CTNNA2: variants seen among roughly 807,000 people sequenced by gnomAD.
CTNNA2 encodes catenin alpha-2.
A neutral mutation model predicts 101.0 loss-of-function variants in CTNNA2; 42 were observed. The observed-to-expected ratio is 0.42, with a 90% CI of 0.32 to 0.54. CTNNA2 has a LOEUF of 0.54. Among genes scored for constraint, CTNNA2 ranks in the 20% least tolerant of loss-of-function variants. The pLI, the probability that CTNNA2 is intolerant of heterozygous loss-of-function variation, is 0.14. For missense variants in CTNNA2, 871 were observed against 1,223.1 expected (o/e 0.71, Z 4.29); for synonymous variants, 450 against 456.4 (o/e 0.99, Z 0.18).
chr2:80,249,214 T>C (rs1671566610), intron 7 of CTNNA2, among the ~76,000 whole-genome samples: 1 of 152,242 alleles, frequency 6.6e-6, no homozygotes, highest in Admixed American at 6.5e-5. Flanking sequence ...TTTTCTCCTT[T>C]TATTTATCCT....
At chr2:80,379,070 GA>G (rs914625906) in intron 7 of CTNNA2, among the ~76,000 whole-genome samples, 1 of 152,078 alleles carries the variant, frequency 6.6e-6, no homozygotes, top group African/African-American at 2.4e-5. Flanking sequence ...CAAGGGAACG[GA>G]AAGGTTGGGA....
At chr2:80,168,285 T>C (rs1484191946) in intron 7 of CTNNA2, among the ~76,000 whole-genome samples, 1 of 152,108 alleles carries the variant, frequency 6.6e-6, no homozygotes, top group Non-Finnish European at 1.5e-5. Flanking sequence ...AGAAGTAAGA[T>C]TTTATCAAAA....
At chr2:80,160,971 T>C (rs1356268257) in intron 7 of CTNNA2, among the ~76,000 whole-genome samples, 5 of 152,178 alleles carry the variant, frequency 3.3e-5, no homozygotes, top group African/African-American at 1.2e-4. Flanking sequence ...AGTTTATTTT[T>C]TAATCATGAG....
At chr2:79,786,472 ATGAAT>A (rs1301164050) in intron 3 of CTNNA2, among the ~76,000 whole-genome samples, 1 of 151,090 alleles carries the variant, frequency 6.6e-6, no homozygotes, top group Admixed American at 6.6e-5. Context: ...TCAAGAATAA[ATGAAT>A]TAAGTAAAGA....
intron 6 of CTNNA2, among the ~76,000 whole-genome samples, chr2:79,876,122 A>G (rs1574200605): frequency 1.3e-5 from 2 of 152,292 alleles, no homozygotes; most frequent in African/African-American, 2.4e-5. Flanking sequence ...TAGGAGAACT[A>G]TTGATCCTAT....
chr2:80,301,187 C>T (rs1488095875), intron 7 of CTNNA2, among the ~76,000 whole-genome samples: 2 of 152,198 alleles, frequency 1.3e-5, no homozygotes, highest in African/African-American at 2.4e-5. Flanking sequence ...TCTCCTCATT[C>T]CCCATAGAAA....
intron 7 of CTNNA2, among the ~76,000 whole-genome samples, chr2:80,181,397 AG>A (rs1429124851): frequency 6.6e-6 from 1 of 152,194 alleles, no homozygotes; most frequent in Non-Finnish European, 1.5e-5. Flanking sequence ...CAGCCTCATC[AG>A]GGTCCTCCCA....
intron 7 of CTNNA2, among the ~76,000 whole-genome samples, chr2:80,307,375 C>T (rs60757627): frequency 0.029 from 4,446 of 152,010 alleles, 210 homozygotes; most frequent in African/African-American, 0.1. Flanking sequence ...AAAGTTGAAT[C>T]GAGAAACGAC....
intron 18 of CTNNA2, among the ~76,000 whole-genome samples, chr2:80,636,978 A>AGGGGAATAGGAAAAT (rs1672955071): frequency 6.6e-6 from 1 of 152,152 alleles, no homozygotes; most frequent in Non-Finnish European, 1.5e-5. Context: ...TCCCCTCATG[A>AGGGGAATAGGAAAAT]ACTTCTCCAT....
intron 3 of CTNNA2, among the ~76,000 whole-genome samples, chr2:79,320,847 C>T (rs1334053868): frequency 3.9e-5 from 6 of 152,140 alleles, no homozygotes; most frequent in African/African-American, 9.7e-5. Flanking sequence ...CAATTTTGTT[C>T]TCTGGGAATA....
At chr2:79,625,416 A>G (rs1679242768) in intron 1 of CTNNA2, among the ~76,000 whole-genome samples, 1 of 152,196 alleles carries the variant, frequency 6.6e-6, no homozygotes, top group Admixed American at 6.5e-5. Context: ...GGGCTGGGAA[A>G]TCAATATTCT....
intron 9 of CTNNA2, among the ~76,000 whole-genome samples, chr2:80,509,675 C>T (rs1478056430): frequency 6.6e-6 from 1 of 152,148 alleles, no homozygotes; most frequent in Non-Finnish European, 1.5e-5. Context: ...CCTTCTATCA[C>T]CCAGGGAAGA....
In CTNNA2 at chr2:79,543,880, G is replaced by T. The variant is rs530907984; in HGVS notation, c.-6+30673G>T. ...TTTCTCGTTATAAAATATTAAAGTAGAAAAGGACAACAAGTATTCTTGGAC... is the reference window on the plus strand; with the variant it reads ...TTTCTCGTTATAAAATATTAAAGTATAAAAGGACAACAAGTATTCTTGGAC... On this transcript the variant is annotated intron_variant, in intron 1 of 18. Coordinates refer to ENST00000402739, the MANE Select transcript of CTNNA2 (RefSeq NM_001282597.3). Among the ~76,000 whole-genome samples, 14 of 152,262 alleles carry T rather than the reference G, an allele frequency of 9.2e-5. 1 individual carries two copies. The South Asian group carries it at 2.9e-3, about 32-fold the overall frequency.
intron 7 of CTNNA2, among the ~76,000 whole-genome samples, chr2:80,060,943 G>A (rs2104377664): frequency 6.6e-6 from 1 of 152,234 alleles, no homozygotes; most frequent in East Asian, 1.9e-4. Context: ...GGGTACAGAG[G>A]CTTGCACAGC....
chr2:80,559,083 A>C (rs962027692), intron 12 of CTNNA2, among the ~76,000 whole-genome samples: 2 of 152,152 alleles, frequency 1.3e-5, no homozygotes, highest in Non-Finnish European at 2.9e-5. Flanking sequence ...AGATGTCTCT[A>C]GACATTGCCA....
intron 15 of CTNNA2, among the ~76,000 whole-genome samples, chr2:80,596,569 C>T (rs1356852342): frequency 2.6e-5 from 4 of 151,832 alleles, no homozygotes; most frequent in African/African-American, 7.3e-5. Context: ...ACCTTGGCCT[C>T]TCAAAGTGCT....
At chr2:80,198,336 T>C (rs1333105461) in intron 7 of CTNNA2, among the ~76,000 whole-genome samples, 1 of 152,170 alleles carries the variant, frequency 6.6e-6, no homozygotes, top group African/African-American at 2.4e-5. Flanking sequence ...AGAAAGGAGA[T>C]TGCTTTCAAA....
intron 13 of CTNNA2, among the ~76,000 whole-genome samples, chr2:80,577,693 G>T (rs1217623309): frequency 2.0e-5 from 3 of 149,282 alleles, no homozygotes; most frequent in Non-Finnish European, 4.4e-5. Context: ...TCATTTTGTT[G>T]TTGTTGTTGT....
At chr2:80,440,097 T>G (rs1307385452) in intron 9 of CTNNA2, among the ~76,000 whole-genome samples, 1 of 152,050 alleles carries the variant, frequency 6.6e-6, no homozygotes, top group African/African-American at 2.4e-5. Flanking sequence ...AGGGTCACAG[T>G]TTTAAGTAGG....
Sources: allele counts gnomAD v4.1 joint callset (sites outside exome capture counted in the v4.1 genomes callset), GRCh38; gene constraint gnomAD v4.1.1; transcripts MANE v1.5; gene names NCBI Gene and HGNC (gene_info 2026-07-23, HGNC 2026-07-21).